Variants in HCN1 observed in about 807,000 individuals in gnomAD.
HCN1 encodes the protein potassium/sodium hyperpolarization-activated cyclic nucleotide-gated channel 1.
Under a neutral mutation model 78.9 loss-of-function variants are expected in HCN1, and 13 were observed. The observed-to-expected ratio is 0.16, with a 90% CI of 0.11 to 0.26. The LOEUF (loss-of-function observed/expected upper bound fraction) is 0.26. Ranked by LOEUF, HCN1 falls within the 10% of genes least tolerant of loss-of-function variation. HCN1 has a pLI of 1.00. For missense variants in HCN1, 810 were observed against 1,154.3 expected (o/e 0.70, Z 4.32); for synonymous variants, 552 against 455.5 (o/e 1.21, Z -2.70).
At position 45,261,817 on chromosome 5, in the gene HCN1, T is replaced by C; in HGVS notation, c.*104A>G. 7.0e-7 allele frequency: 1 copy of C among 1,428,440 alleles called. No individual in the cohort carries two copies. The highest frequency in any genetic ancestry group is 9.8e-7 in the Non-Finnish European group (1 of 1,020,022). The allele number at this position is 1,428,440 out of a possible 1,614,324, so 88.5% of individuals were successfully genotyped here. On this transcript the variant is annotated 3_prime_UTR_variant, in exon 8 of 8. Coordinates refer to ENST00000303230, the MANE Select transcript of HCN1 (RefSeq NM_021072.4). ...GGCCACAGCTGTCTAAAATATCTCT[T>C]CATAGTAGGCTAGAGGGATCTATCA...
At chr5:45,365,075 A>T (rs938410409) in intron 4 of HCN1, among the ~76,000 whole-genome samples, 1 of 152,060 alleles carries the variant, frequency 6.6e-6, no homozygotes, top group Admixed American at 6.6e-5. Flanking sequence ...ATTGTCAAAC[A>T]TATTATTTAG....
At chr5:45,419,767 C>A (rs1338074592) in intron 3 of HCN1, among the ~76,000 whole-genome samples, 1 of 152,198 alleles carries the variant, frequency 6.6e-6, no homozygotes, top group Non-Finnish European at 1.5e-5. Flanking sequence ...CCTGTCAATG[C>A]AGTCCTGTCT....
intron 3 of HCN1, among the ~76,000 whole-genome samples, chr5:45,444,935 T>C (rs1480185104): frequency 6.6e-6 from 1 of 152,138 alleles, no homozygotes; most frequent in Non-Finnish European, 1.5e-5. Context: ...AGCTCCAGTC[T>C]ACAAGCTCCC....
intron 2 of HCN1, among the ~76,000 whole-genome samples, chr5:45,525,683 G>C (rs2111791079): frequency 6.6e-6 from 1 of 152,116 alleles, no homozygotes; most frequent in East Asian, 1.9e-4. Flanking sequence ...GAGGATGAGA[G>C]AGAAAGTAAT....
chr5:45,435,361 G>T (rs931402268), intron 3 of HCN1, among the ~76,000 whole-genome samples: 3 of 151,994 alleles, frequency 2.0e-5, no homozygotes, highest in Non-Finnish European at 4.4e-5. Flanking sequence ...TTAAAAAGTT[G>T]ATTATTTTTC....
At chr5:45,340,497 G>A (rs1405288415) in intron 5 of HCN1, among the ~76,000 whole-genome samples, 1 of 151,930 alleles carries the variant, frequency 6.6e-6, no homozygotes, top group Non-Finnish European at 1.5e-5. Context: ...GATACTGTCT[G>A]TTGGATTACC....
intron 4 of HCN1, among the ~76,000 whole-genome samples, chr5:45,374,014 A>G (rs1320836469): frequency 8.7e-6 from 1 of 114,608 alleles, no homozygotes; most frequent in Non-Finnish European, 1.7e-5. Context: ...TATACATAAT[A>G]TATATTATAT....
chr5:45,380,667 C>T (rs890964236), intron 4 of HCN1, among the ~76,000 whole-genome samples: 1 of 151,988 alleles, frequency 6.6e-6, no homozygotes, highest in African/African-American at 2.4e-5. Context: ...GGCCATGACA[C>T]CTAATAAGAC....
At chr5:45,315,785 C>T (rs1327941303) in intron 5 of HCN1, among the ~76,000 whole-genome samples, 1 of 152,152 alleles carries the variant, frequency 6.6e-6, no homozygotes, top group Non-Finnish European at 1.5e-5. Context: ...ACTATAAACA[C>T]CTCTATGCAA....
intron 4 of HCN1, among the ~76,000 whole-genome samples, chr5:45,375,830 ATATCTTATATATAATATAATATTT>A (rs1172873133): frequency 3.5e-4 from 42 of 120,300 alleles, no homozygotes; most frequent in African/African-American, 1.4e-3. Context: ...ATTTTATGAT[ATATCTTATATATAATATAATATTT>A]TATGATATAT....
chr5:45,462,141 T>A, intron 2 of HCN1, 134 bp from the exon 3 acceptor site: 1 of 701,518 alleles, frequency 1.4e-6, no homozygotes, highest in Non-Finnish European at 2.5e-6. Flanking sequence ...CTTGCAGAAA[T>A]AGAAACAGAT....
intron 4 of HCN1, among the ~76,000 whole-genome samples, chr5:45,356,759 G>A (rs72762035): frequency 8.0e-4 from 122 of 151,974 alleles, no homozygotes; most frequent in Non-Finnish European, 1.4e-3. Flanking sequence ...AAACTCCCTC[G>A]TTCACTTTCA....
chr5:45,619,403 G>T (rs1398293737), intron 2 of HCN1, among the ~76,000 whole-genome samples: 6 of 152,060 alleles, frequency 3.9e-5, no homozygotes, highest in Admixed American at 1.3e-4. Context: ...ATTGTGTAGT[G>T]CCAGAAAATA....
chr5:45,301,672 A>T (rs1745624129), intron 6 of HCN1, among the ~76,000 whole-genome samples: 1 of 151,106 alleles, frequency 6.6e-6, no homozygotes, highest in Middle Eastern at 3.2e-3. Context: ...AGTGAGCCAT[A>T]ATCATGCCAG....
intron 2 of HCN1, among the ~76,000 whole-genome samples, chr5:45,556,936 G>A (rs2111867022): frequency 6.6e-6 from 1 of 152,060 alleles, no homozygotes; most frequent in Non-Finnish European, 1.5e-5. Context: ...CACGTTTAAA[G>A]CTTGACTAAT....
chr5:45,310,991 C>A (rs1252711262), intron 5 of HCN1, among the ~76,000 whole-genome samples: 1 of 152,018 alleles, frequency 6.6e-6, no homozygotes, highest in Non-Finnish European at 1.5e-5. Context: ...CAGAGAGGAA[C>A]AACACATACT....
At chr5:45,588,160 C>T (rs943231023) in intron 2 of HCN1, among the ~76,000 whole-genome samples, 2 of 152,092 alleles carry the variant, frequency 1.3e-5, no homozygotes, top group African/African-American at 2.4e-5. Flanking sequence ...CCTACCTATA[C>T]ACATAAATTC....
chr5:45,499,090 T>A (rs1742128334), intron 2 of HCN1, among the ~76,000 whole-genome samples: 1 of 152,204 alleles, frequency 6.6e-6, no homozygotes, highest in African/African-American at 2.4e-5. Flanking sequence ...CAGGTCTCCT[T>A]GAGCTGTGGT....
chr5:45,575,140 T>C (rs893101351), intron 2 of HCN1: 3 of 152,108 alleles, frequency 2.0e-5, no homozygotes, highest in Admixed American at 1.3e-4. Context: ...CAAACATCCT[T>C]CTATTGGAGG....
Sources: gnomAD v4.1 joint callset for allele counts (sites outside exome capture counted in the v4.1 genomes callset) on GRCh38, gnomAD v4.1.1 for gene constraint, MANE v1.5 for transcripts, NCBI Gene and HGNC (gene_info 2026-07-23, HGNC 2026-07-21) for gene names.